ARL5C: variants seen among roughly 807,000 people sequenced by gnomAD.
ARL5C encodes putative ADP-ribosylation factor-like protein 5C.
ARL5C carries 21 observed loss-of-function variants against 20.8 expected under a neutral mutation model. That is an observed-to-expected ratio of 1.01 (90% CI 0.72 to 1.46). ARL5C has a LOEUF of 1.46. Ranked by LOEUF, ARL5C falls within the 40% of genes most tolerant of loss-of-function variation. ARL5C has a pLI of 0.00. For missense variants in ARL5C, 199 were observed against 225.1 expected (o/e 0.88, Z 0.74); for synonymous variants, 71 against 81.6 (o/e 0.87, Z 0.70).
intron 3 of ARL5C, among the ~76,000 whole-genome samples, chr17:39,162,247 G>C (rs527318267): frequency 9.9e-5 from 15 of 152,242 alleles, no homozygotes; most frequent in Admixed American, 2.6e-4. Flanking sequence ...ATTACATATT[G>C]GTTTGTTATT....
rs1555576105 is a variant in ARL5C, at chr17:39,163,345, C to CCTTTCTTTTTCTTT, written c.108-488_108-487insAAAGAAAAAGAAAG. 4.4e-5 allele frequency among the ~76,000 whole-genome samples: 6 copies of CCTTTCTTTTTCTTT among 136,864 alleles called. No individual in the cohort carries two copies. In the East Asian group the frequency reaches 1.4e-3, roughly 32 times the overall value. 89.8% of individuals were successfully genotyped at this position (136,864 alleles called of 152,430 possible). ...GTCTGGGCAGGGGTCCAGGCTTTTG[C>CCTTTCTTTTTCTTT]CTTTCTTTCTTTCTTTCTTTCTTTC... On this transcript the variant is annotated intron_variant, in intron 2 of 5. Transcript: ENST00000269586.
intron 1 of ARL5C, 133 bp downstream of exon 1, chr17:39,165,582 C>T: frequency 1.5e-5 from 17 of 1,135,142 alleles, no homozygotes; most frequent in Non-Finnish European, 2.0e-5. Flanking sequence ...GGGGAGGCCG[C>T]GGGGCAGTCG....
chr17:39,162,009 AC>A (rs1483183503), intron 3 of ARL5C, among the ~76,000 whole-genome samples: 2 of 152,072 alleles, frequency 1.3e-5, no homozygotes, highest in African/African-American at 4.8e-5. Context: ...CTTGCTCTTG[AC>A]CACACAGCTG....
intron 5 of ARL5C, among the ~76,000 whole-genome samples, chr17:39,159,297 C>CTTT (rs71141776): frequency 3.6e-5 from 4 of 111,822 alleles, no homozygotes; most frequent in African/African-American, 6.7e-5. Flanking sequence ...TTCTTTCTTT[C>CTTT]TTTTTTTTTT....
chr17:39,164,979 A>C lies in ARL5C; in HGVS notation c.107+100T>G, dbSNP rs949237642. 4 of 1,257,474 alleles carry C rather than the reference A, an allele frequency of 3.2e-6. No homozygotes were observed. The African/African-American group carries it at 6.0e-5, about 19-fold the overall frequency. The allele number at this position is 1,257,474 out of a possible 1,614,324, so 77.9% of individuals were successfully genotyped here. A position where few individuals can be genotyped will look rare whatever the true frequency, so the allele number is the denominator to read the frequency against. On this transcript the variant is annotated intron_variant, in intron 2 of 5. Coordinates refer to ENST00000269586, the MANE Select transcript of ARL5C (RefSeq NM_001143968.1). Reference sequence around the variant, plus strand: ...CAATCGCTCCTCCGGACTACAGAGGAGCCCGGGAACCCAGGGAAGAGCTCC... The same window carrying C: ...CAATCGCTCCTCCGGACTACAGAGGCGCCCGGGAACCCAGGGAAGAGCTCC...
chr17:39,164,725 G>A (rs963438344), intron 2 of ARL5C, among the ~76,000 whole-genome samples: 1 of 152,150 alleles, frequency 6.6e-6, no homozygotes, highest in Non-Finnish European at 1.5e-5. Context: ...TGAAGAAGGG[G>A]AAGAAAGTTA....
intron 2 of ARL5C, 51 bp from the exon 3 acceptor site, chr17:39,162,909 T>C (rs2045441958): frequency 2.6e-6 from 4 of 1,534,972 alleles, no homozygotes; most frequent in Non-Finnish European, 3.5e-6. Context: ...TACTCCCAAC[T>C]CTGGCCCCCA....
intron 3 of ARL5C, among the ~76,000 whole-genome samples, chr17:39,161,998 T>A (rs1258315797): frequency 1.3e-5 from 2 of 152,172 alleles, no homozygotes; most frequent in Non-Finnish European, 1.5e-5. Context: ...AGGCTATGTA[T>A]CTTGCTCTTG....
At chr17:39,158,149 AAGAGAGGG>A (rs1375109576) in intron 5 of ARL5C, among the ~76,000 whole-genome samples, 1 of 132,200 alleles carries the variant, frequency 7.6e-6, no homozygotes, top group Non-Finnish European at 1.6e-5. Context: ...GGAAGGAAGG[AAGAGAGGG>A]AGGAAGTGAG....
chr17:39,158,609 C>G (rs1211591466), intron 5 of ARL5C, among the ~76,000 whole-genome samples: 1 of 137,604 alleles, frequency 7.3e-6, no homozygotes, highest in Non-Finnish European at 1.5e-5. Flanking sequence ...GAGGGAGACC[C>G]TGCCTCAAAA....
At chr17:39,160,515 C>T in intron 5 of ARL5C, 76 bp downstream of exon 5, 1 of 1,497,856 alleles carries the variant, frequency 6.7e-7, no homozygotes, top group Non-Finnish European at 9.0e-7. Flanking sequence ...AGGAGAGAGG[C>T]AGGAGAAGGG....
intron 5 of ARL5C, among the ~76,000 whole-genome samples, chr17:39,159,626 T>C (rs1391009428): frequency 6.6e-6 from 1 of 152,188 alleles, no homozygotes; most frequent in African/African-American, 2.4e-5. Context: ...TATATTTTTC[T>C]TGTTTATCAT....
At chr17:39,165,348 A>T (rs979547694) in intron 1 of ARL5C, 6 of 606,166 alleles carry the variant, frequency 9.9e-6, no homozygotes, top group East Asian at 5.6e-5. Context: ...CTCCCTTCAC[A>T]TTCCAGAAAA....
chr17:39,159,951 GC>G (rs1227022863), intron 5 of ARL5C, among the ~76,000 whole-genome samples: 1 of 152,194 alleles, frequency 6.6e-6, no homozygotes, highest in East Asian at 1.9e-4. Context: ...AGAGAGGCCA[GC>G]CCTGACCACC....
rs1344927309 is a variant in ARL5C, at chr17:39,165,757, C to G, written c.4G>C (p.Gly2Arg). 1 of 1,551,842 alleles carries G rather than the reference C, an allele frequency of 6.4e-7. No individual in the cohort carries two copies. The highest frequency in any genetic ancestry group is 8.7e-7 in the Non-Finnish European group (1 of 1,146,994). ...CTCATTAACTTGGCGATCAGCTGTC[C>G]CATGGCACTTCCCGGGCCGGACAGG... M[G>R]QLIAKLMSIF... Residue 2 changes from glycine (G) to arginine (R), a missense_variant, in exon 1 of 6, where the codon GGA (glycine) becomes CGA (arginine). Coordinates refer to ENST00000269586, the MANE Select transcript of ARL5C (RefSeq NM_001143968.1).
intron 1 of ARL5C, 153 bp downstream of exon 1, chr17:39,165,562 G>A (rs754317243): frequency 4.5e-5 from 40 of 888,818 alleles, no homozygotes; most frequent in Non-Finnish European, 6.7e-5. Context: ...AGCAGGCAGG[G>A]ACGGGGGCAG....
chr17:39,162,383 C>T (rs934467147), intron 3 of ARL5C, among the ~76,000 whole-genome samples: 4 of 152,104 alleles, frequency 2.6e-5, no homozygotes, highest in African/African-American at 7.2e-5. Context: ...TCACTGCAAC[C>T]TCTGCCTCCC....
intron 2 of ARL5C, 175 bp downstream of exon 2, chr17:39,164,904 G>A: frequency 3.2e-6 from 2 of 627,204 alleles, no homozygotes; most frequent in Non-Finnish European, 5.6e-6. Context: ...TGCAGGATTT[G>A]AATGCCAGAC....
chr17:39,162,896 G>A (rs548434347), intron 2 of ARL5C, 38 bp from the exon 3 acceptor site: 2 of 1,543,116 alleles, frequency 1.3e-6, no homozygotes, highest in South Asian at 2.4e-5. Context: ...GCTCAGTCCA[G>A]CCTACTCCCA....
Sources: allele counts gnomAD v4.1 joint callset (sites outside exome capture counted in the v4.1 genomes callset), GRCh38; gene constraint gnomAD v4.1.1; transcripts MANE v1.5; gene names NCBI Gene and HGNC (gene_info 2026-07-23, HGNC 2026-07-21).